SPTBN5: variants seen among roughly 807,000 people sequenced by gnomAD.
SPTBN5 encodes the protein spectrin beta chain, non-erythrocytic 5.
In SPTBN5, 513 loss-of-function variants were observed where a neutral mutation model predicts 477.6. The ratio of observed to expected loss-of-function variants is 1.07; its 90% CI spans 1.00 to 1.16. The LOEUF (loss-of-function observed/expected upper bound fraction) is 1.16, where lower values mean the gene tolerates loss of function less well. SPTBN5 is among the 50% of genes most tolerant of loss of function. SPTBN5 has a pLI of 0.00. For missense variants in SPTBN5, 5,062 were observed against 4,731.8 expected, an observed-to-expected ratio of 1.07 and a Z score of -2.05; for synonymous variants, 2,169 against 2,011.7, an observed-to-expected ratio of 1.08 and a Z score of -2.09.
intron 17 of SPTBN5, among the ~76,000 whole-genome samples, chr15:41,877,733 A>G (rs1037952414): frequency 6.6e-6 from 1 of 152,210 alleles, no homozygotes; most frequent in Non-Finnish European, 1.5e-5. Context: ...CCTTGTGTGA[A>G]TTAGAGCAAG....
Position 41,852,425 on chromosome 15 carries a change from G to A in SPTBN5, c.10450-109C>T, listed in dbSNP as rs548856050. 4.2e-6 allele frequency: 6 copies of A among 1,421,730 alleles called. No homozygotes were observed. The African/African-American group carries it at 7.1e-5, about 17-fold the overall frequency. 88.1% of individuals were successfully genotyped at this position (1,421,730 alleles called of 1,614,324 possible). A position where few individuals can be genotyped will look rare whatever the true frequency, so the allele number is the denominator to read the frequency against. Reference sequence around the variant, plus strand: ...CAGCCCTCCCGGTCAGAGGGGGCCTGCCTCCCCATCACTAGCTCTTTCAGC... The same window carrying A: ...CAGCCCTCCCGGTCAGAGGGGGCCTACCTCCCCATCACTAGCTCTTTCAGC... On this transcript the variant is annotated intron_variant, in intron 61 of 67. Coordinates refer to ENST00000320955, the MANE Select transcript of SPTBN5 (RefSeq NM_016642.4).
At position 41,860,689 on chromosome 15, in the gene SPTBN5, C is replaced by T. The variant is rs2066075899; in HGVS notation, c.7885G>A (p.Ala2629Thr). Residue 2629 changes from alanine to threonine, a missense_variant, in exon 47 of 68, where the codon GCG becomes ACG. Physicochemically the swap from Ala to Thr is moderately conservative, Grantham distance 58. Transcript: ENST00000320955. ...KMLEWDLEVQ[A>T]GKISALEATA... ...GCCTCCAGAGCACTGATCTTTCCCG[C>T]CTGCACCTCCAGGTCCCACTCCAGC... 1.9e-6 allele frequency: 3 copies of T among 1,594,838 alleles called. No individual in the cohort carries two copies. Among genetic ancestry groups the T allele is most frequent in the Admixed American group, 1.7e-5 (1 of 57,758 alleles).
intron 20 of SPTBN5, 115 bp from the exon 21 acceptor site, chr15:41,876,399 C>A: frequency 7.1e-7 from 1 of 1,404,906 alleles, no homozygotes; most frequent in Non-Finnish European, 9.6e-7. Context: ...CAGGAAAAAC[C>A]TGAGCTGTGT....
At position 41,855,778 on chromosome 15, in the gene SPTBN5, G is replaced by A. The variant is rs139609203; in HGVS notation, c.9022-33C>T. On this transcript the variant is annotated intron_variant, in intron 53 of 67. Coordinates refer to ENST00000320955, the MANE Select transcript of SPTBN5 (RefSeq NM_016642.4). ...TGACAGAGTGGAGATCCGTTTTCCC[G>A]GGGCACCCTCCAGGGCTCAGGATTT... 9.8e-4 allele frequency: 1,493 copies of A among 1,522,260 alleles called. 10 individuals carry two copies. In the African/African-American group the frequency reaches 0.014, roughly 14 times the overall value. The allele number at this position is 1,522,260 out of a possible 1,614,324, so 94.3% of individuals were successfully genotyped here.
In SPTBN5 at chr15:41,856,601, G is replaced by A. The variant is rs1262224122; in HGVS notation, c.8809-3C>T. The A allele has an allele frequency of 6.3e-7, 1 of 1,579,814 alleles. No homozygotes were observed. The highest frequency in any genetic ancestry group is 1.7e-5 in the Admixed American group (1 of 57,268). On this transcript the variant is annotated splice_polypyrimidine_tract_variant and splice_region_variant and intron_variant, in intron 52 of 67. Transcript: ENST00000320955. Reference sequence around the variant, plus strand: ...CTGCTCATCTCACTCTCCAGGTTCTGCGGGGGAGGAGGCAGGAGGATGCGG... The same window carrying A: ...CTGCTCATCTCACTCTCCAGGTTCTACGGGGGAGGAGGCAGGAGGATGCGG...
At chr15:41,886,901 A>C (rs1378933099) in intron 6 of SPTBN5, among the ~76,000 whole-genome samples, 2 of 152,230 alleles carry the variant, frequency 1.3e-5, no homozygotes, top group South Asian at 4.1e-4. Flanking sequence ...TGGCTCTCTA[A>C]GCCTTTTAAT....
At position 41,851,837 on chromosome 15, in the gene SPTBN5, G is replaced by A. The variant is rs377611476; in HGVS notation, c.10598C>T (p.Thr3533Ile). The change falls in exon 63 of 68, where the codon ACC (threonine) becomes ATC (isoleucine). Residue 3533 changes from threonine (T) to isoleucine (I), a missense_variant. Physicochemically the swap from Thr to Ile is moderately conservative, Grantham distance 89. Transcript: ENST00000320955. ...ETRDPQDAKG[T>I]PTMEGSLEFK... ...CTCCAAAGACCCCTCCATGGTGGGG[G>A]TACCCTTTGCATCCTGAAAATGCAA... 1.9e-6 allele frequency: 3 copies of A among 1,609,614 alleles called. No homozygotes were observed. Among genetic ancestry groups the A allele is most frequent in the Non-Finnish European group, 2.5e-6 (3 of 1,178,926 alleles).
At chr15:41,849,532 C>T (rs1021510340) in intron 67 of SPTBN5, among the ~76,000 whole-genome samples, 5 of 152,174 alleles carry the variant, frequency 3.3e-5, no homozygotes, top group Admixed American at 6.5e-5. Flanking sequence ...GGCAGGCTCT[C>T]AGCACTGGGC....
At chr15:41,872,065 C>T (rs185971794) in intron 27 of SPTBN5, 148 bp from the exon 28 acceptor site, 4 of 1,152,878 alleles carry the variant, frequency 3.5e-6, no homozygotes, top group Middle Eastern at 2.6e-4. Flanking sequence ...GTAGTAGACA[C>T]AGCAGTGCAG....
chr15:41,856,700 G>A, intron 52 of SPTBN5, 102 bp from the exon 53 acceptor site: 2 of 1,362,886 alleles, frequency 1.5e-6, no homozygotes, highest in Non-Finnish European at 2.0e-6. Context: ...TGTCCCCAAG[G>A]AGTTCCCTGT....
chr15:41,858,885 C>A lies in SPTBN5; in HGVS notation c.8079+5G>T, dbSNP rs371429121. The A allele has an allele frequency of 5.7e-6, 9 of 1,576,798 alleles. No homozygotes were observed. Among genetic ancestry groups the A allele is most frequent in the African/African-American group, 1.4e-5 (1 of 73,884 alleles). On this transcript the variant is annotated splice_donor_5th_base_variant and intron_variant, in intron 48 of 67. Coordinates refer to ENST00000320955, the MANE Select transcript of SPTBN5 (RefSeq NM_016642.4). Reference sequence around the variant, plus strand: ...TGACCGCCTCCCTCTCCAAGCGAGGCGAACCTCCTGGGAGTCCTGCAGGAA... The same window carrying A: ...TGACCGCCTCCCTCTCCAAGCGAGGAGAACCTCCTGGGAGTCCTGCAGGAA...
rs747944189 is a variant in SPTBN5 at position 41,868,597 on chromosome 15, C to T, written c.5858G>A (p.Arg1953His). ...GCGGGCTGCCCAGGAGGCATAGTCA[C>T]GCACCTGATCCCGGGGACACGGAGG... is the stretch of plus-strand genomic sequence containing the variant. ...RLLARFRTAV[R>H]DYASWAARVR... The change falls in exon 33 of 68, where the codon CGT (arginine) becomes CAT (histidine). Residue 1953 changes from arginine to histidine, a missense_variant. Arg to His is a conservative substitution (Grantham distance 29). Coordinates refer to ENST00000320955, the MANE Select transcript of SPTBN5 (RefSeq NM_016642.4). 3.8e-6 allele frequency: 6 copies of T among 1,598,726 alleles called. No homozygotes were observed. Among genetic ancestry groups the T allele is most frequent in the South Asian group, 1.1e-5 (1 of 91,058 alleles).
chr15:41,893,242 T>C, intron 2 of SPTBN5, 40 bp downstream of exon 2: 2 of 1,612,106 alleles, frequency 1.2e-6, no homozygotes, highest in Non-Finnish European at 8.5e-7. Context: ...GCTGGGGGCC[T>C]GGTATGGGTG....
chr15:41,866,269 C>T (rs2066306899), intron 37 of SPTBN5, 40 bp from the exon 38 acceptor site: 3 of 1,576,776 alleles, frequency 1.9e-6, no homozygotes, highest in Non-Finnish European at 2.6e-6. Flanking sequence ...TTGCCTGCTG[C>T]ACTTCCTCCT....
chr15:41,850,908 C>G lies in SPTBN5; in HGVS notation c.10867G>C (p.Ala3623Pro). 6.2e-7 allele frequency: 1 copy of G among 1,603,814 alleles called. No individual in the cohort carries two copies. Among genetic ancestry groups the G allele is most frequent in the Non-Finnish European group, 8.5e-7 (1 of 1,176,046 alleles). Residue 3623 changes from alanine to proline, a missense_variant, in exon 66 of 68, where the codon GCA becomes CCA. Coordinates refer to ENST00000320955, the MANE Select transcript of SPTBN5 (RefSeq NM_016642.4). ...LTSGAEILFA[A>P]PSEEQAESWW... is the part of the protein sequence containing the mutation. ...CTCTCAGCCTGCTCTTCGGACGGTG[C>G]TGCAAACAGGATCTCTGCCCCACTG... is the stretch of plus-strand genomic sequence containing the variant.
In SPTBN5 at chr15:41,854,173, A is replaced by G. The variant is rs760509887; in HGVS notation, c.9651T>C (p.Phe3217=). ...CCTGGAGCTCAGCTGCTGCCTGCTG[A>G]AAGCTGTGGACCTCATGGGCTGCAG... ...NLAAAHEVHS[F]QQAAAELQGR... Residue 3217 remains phenylalanine, a synonymous_variant, in exon 57 of 68, where the codon TTT becomes TTC. Coordinates refer to ENST00000320955, the MANE Select transcript of SPTBN5 (RefSeq NM_016642.4). The G allele has an allele frequency of 6.2e-7, 1 of 1,600,202 alleles. No individual in the cohort carries two copies. Among genetic ancestry groups the G allele is most frequent in the Non-Finnish European group, 8.5e-7 (1 of 1,173,790 alleles).
chr15:41,885,225 A>T (rs1038103146), intron 7 of SPTBN5, among the ~76,000 whole-genome samples: 3 of 152,126 alleles, frequency 2.0e-5, no homozygotes, highest in African/African-American at 7.2e-5. Flanking sequence ...GGGTTTTGCC[A>T]TGTTGGCTAG....
intron 26 of SPTBN5, 125 bp downstream of exon 26, chr15:41,873,367 G>A: frequency 2.7e-6 from 2 of 728,738 alleles, no homozygotes; most frequent in Non-Finnish European, 4.6e-6. Context: ...TGGGGATGGG[G>A]CTGTCTGTGT....
At chr15:41,863,857 G>A (rs2066206308) in intron 40 of SPTBN5, 39 bp from the exon 41 acceptor site, 1 of 1,612,612 alleles carries the variant, frequency 6.2e-7, no homozygotes, top group Non-Finnish European at 8.5e-7. Flanking sequence ...AGCCTGAGGT[G>A]GCCTTCCACC....
Sources: allele counts gnomAD v4.1 joint callset (sites outside exome capture counted in the v4.1 genomes callset), GRCh38; gene constraint gnomAD v4.1.1; transcripts MANE v1.5; gene names NCBI Gene and HGNC (gene_info 2026-07-23, HGNC 2026-07-21).